Variants in RBFOX1 observed in about 807,000 individuals in gnomAD.
RBFOX1 encodes the protein RNA binding fox-1 homolog 1, also known as RNA binding protein fox-1 homolog 1.
A neutral mutation model predicts 57.7 loss-of-function variants in RBFOX1; 8 were observed. The observed-to-expected ratio is 0.14, with a 90% CI of 0.08 to 0.25. The LOEUF is 0.25. Among genes scored for constraint, RBFOX1 ranks in the 10% least tolerant of loss-of-function variants. The pLI, the probability that RBFOX1 is intolerant of heterozygous loss-of-function variation, is 1.00. For missense variants in RBFOX1, 611 were observed against 548.5 expected (o/e 1.11, Z -1.14); for synonymous variants, 326 against 222.4 (o/e 1.47, Z -4.15).
At chr16:5,569,557 G>T (rs1872537775) in intron 2 of RBFOX1, among the ~76,000 whole-genome samples, 1 of 144,590 alleles carries the variant, frequency 6.9e-6, no homozygotes, top group Non-Finnish European at 1.5e-5. Context: ...ATAGATCTAT[G>T]CGGTGGATAC....
chr16:6,491,759 A>G (rs934746701), intron 2 of RBFOX1, among the ~76,000 whole-genome samples: 11 of 152,178 alleles, frequency 7.2e-5, no homozygotes, highest in Admixed American at 7.2e-4. Flanking sequence ...ACCAACAGCT[A>G]GTGACTAAAA....
chr16:6,057,825 G>GTTTTT (rs34335596), intron 1 of RBFOX1, among the ~76,000 whole-genome samples: 1,319 of 80,960 alleles, frequency 0.016, 35 homozygotes, highest in Middle Eastern at 0.019. Context: ...TTTGCTATGG[G>GTTTTT]TTTTTTTTTT....
At chr16:7,567,201 C>A (rs2091929540) in intron 5 of RBFOX1, among the ~76,000 whole-genome samples, 1 of 146,066 alleles carries the variant, frequency 6.8e-6, no homozygotes, top group African/African-American at 2.5e-5. Flanking sequence ...ATATATATAT[C>A]CCTATATAAA....
chr16:7,591,505 G>A (rs1166278703), intron 7 of RBFOX1, among the ~76,000 whole-genome samples: 1 of 152,216 alleles, frequency 6.6e-6, no homozygotes, highest in African/African-American at 2.4e-5. Flanking sequence ...GGATCAGAAT[G>A]TATGATTTGC....
chr16:7,325,914 T>C (rs1160456604), intron 4 of RBFOX1, among the ~76,000 whole-genome samples: 6 of 152,196 alleles, frequency 3.9e-5, no homozygotes, highest in Admixed American at 3.9e-4. Context: ...CTACGCTGGA[T>C]GGAGTTTGAG....
intron 1 of RBFOX1, among the ~76,000 whole-genome samples, chr16:6,160,013 G>A (rs560898406): frequency 6.6e-6 from 1 of 152,146 alleles, no homozygotes; most frequent in Non-Finnish European, 1.5e-5. Flanking sequence ...CAGGTCAATA[G>A]AATATACCTG....
At position 7,155,205 on chromosome 16, in the gene RBFOX1, T is replaced by G. The variant is rs146015095; in HGVS notation, c.27+103107T>G. On this transcript the variant is annotated intron_variant, in intron 4 of 15. Transcript: ENST00000550418. Reference sequence around the variant, plus strand: ...TTTTAAAATCAAGCTGAAACAAAGTTTTTAGCTTTTTAAAAAAATTAATTT... The same window carrying G: ...TTTTAAAATCAAGCTGAAACAAAGTGTTTAGCTTTTTAAAAAAATTAATTT... 1.2e-3 allele frequency among the ~76,000 whole-genome samples: 177 copies of G among 152,214 alleles called. 1 individual carries two copies. The highest frequency in any genetic ancestry group is 4.1e-3 in the African/African-American group (169 of 41,540).
intron 3 of RBFOX1, among the ~76,000 whole-genome samples, chr16:6,685,360 C>T (rs1435085165): frequency 6.8e-6 from 1 of 147,918 alleles, no homozygotes; most frequent in East Asian, 2.0e-4. Flanking sequence ...ACTGCAACCT[C>T]CGCCTCCCAG....
rs2051162000 is a variant in RBFOX1 at position 5,704,377 on chromosome 16, C to A, written c.318+105416C>A. On this transcript the variant is annotated intron_variant, in intron 3 of 19. Coordinates refer to the RBFOX1 transcript ENST00000641259. Reference sequence around the variant, plus strand: ...CAGAGAAGAGTAGCACACAGAGGGGCCCTGGGGGTCTGGGGGTCGCCACAA... The same window carrying A: ...CAGAGAAGAGTAGCACACAGAGGGGACCTGGGGGTCTGGGGGTCGCCACAA... 2.0e-5 allele frequency among the ~76,000 whole-genome samples: 3 copies of A among 151,926 alleles called. 1 individual carries two copies. Among genetic ancestry groups the A allele is most frequent in the African/African-American group, 7.3e-5 (3 of 41,356 alleles).
At chr16:6,684,557 C>A (rs1392662072) in intron 3 of RBFOX1, among the ~76,000 whole-genome samples, 3 of 152,174 alleles carry the variant, frequency 2.0e-5, no homozygotes, top group Non-Finnish European at 4.4e-5. Flanking sequence ...TCAATTACTT[C>A]TAGGGCTGCA....
intron 3 of RBFOX1, among the ~76,000 whole-genome samples, chr16:6,866,541 A>ATTTTTTTTTTTTTTTTTTTTTTTTT (rs56678526): frequency 2.5e-5 from 2 of 78,886 alleles, no homozygotes; most frequent in Non-Finnish European, 4.4e-5. Flanking sequence ...CTTTCCTTCT[A>ATTTTTTTTTTTTTTTTTTTTTTTTT]TTTTTTTTTT....
chr16:5,295,531 G>C (rs190155029), intron 1 of RBFOX1, among the ~76,000 whole-genome samples: 8 of 152,276 alleles, frequency 5.3e-5, no homozygotes, highest in African/African-American at 1.9e-4. Flanking sequence ...TCTGCTTCCA[G>C]GCTCATCTGG....
chr16:6,848,729 G>A (rs2093901680), intron 3 of RBFOX1, among the ~76,000 whole-genome samples: 1 of 152,052 alleles, frequency 6.6e-6, no homozygotes, highest in Non-Finnish European at 1.5e-5. Flanking sequence ...AATCTTTAAC[G>A]TTCAGTAACA....
intron 1 of RBFOX1, among the ~76,000 whole-genome samples, chr16:6,208,575 C>G (rs1212880318): frequency 6.6e-6 from 1 of 152,170 alleles, no homozygotes; most frequent in South Asian, 2.1e-4. Flanking sequence ...TACAAAGTGC[C>G]TGATGTAGAT....
chr16:5,513,485 C>T (rs752428247), intron 2 of RBFOX1, among the ~76,000 whole-genome samples: 16 of 152,306 alleles, frequency 1.1e-4, no homozygotes, highest in Admixed American at 5.2e-4. Flanking sequence ...TTGCTCTTCA[C>T]ACACCACACC....
At chr16:6,708,678 A>G (rs369042826) in intron 3 of RBFOX1, among the ~76,000 whole-genome samples, 4 of 152,220 alleles carry the variant, frequency 2.6e-5, no homozygotes, top group South Asian at 2.1e-4. Flanking sequence ...CAATTAATCA[A>G]ACATTCAATA....
rs575105274 is a variant in RBFOX1, at chr16:6,877,077, A to C, written c.-15-174980A>C. ...TTTTGTGTTTGCTTCATAACTGGCC[A>C]TTTACTGGTGCTTAACAAGCATAGG... is the stretch of plus-strand genomic sequence containing the variant. On this transcript the variant is annotated intron_variant, in intron 3 of 15. Coordinates refer to ENST00000550418, the MANE Select transcript of RBFOX1 (RefSeq NM_018723.4). Among the ~76,000 whole-genome samples, 8 of 152,332 alleles carry C rather than the reference A, an allele frequency of 5.3e-5. No individual in the cohort carries two copies. The South Asian group carries it at 1.7e-3, about 32-fold the overall frequency.
At chr16:6,842,781 G>T (rs996917759) in intron 3 of RBFOX1, among the ~76,000 whole-genome samples, 2 of 151,510 alleles carry the variant, frequency 1.3e-5, no homozygotes, top group Non-Finnish European at 2.9e-5. Flanking sequence ...TTTTAAGCCC[G>T]GCATGCATTA....
At chr16:5,361,233 C>A (rs986713664) in intron 1 of RBFOX1, among the ~76,000 whole-genome samples, 3 of 152,124 alleles carry the variant, frequency 2.0e-5, no homozygotes, top group Non-Finnish European at 4.4e-5. Flanking sequence ...TCCACTGCTG[C>A]CAATTTGCCC....
Sources: gnomAD v4.1 joint callset for allele counts (sites outside exome capture counted in the v4.1 genomes callset) on GRCh38, gnomAD v4.1.1 for gene constraint, MANE v1.5 for transcripts, NCBI Gene and HGNC (gene_info 2026-07-23, HGNC 2026-07-21) for gene names.